The following HARS2 variants were observed in gnomAD, a reference collection of about 807,000 sequenced individuals.
HARS2 encodes histidyl-tRNA synthetase 2, mitochondrial.
In HARS2, 40 loss-of-function variants were observed where a neutral mutation model predicts 62.4. The observed-to-expected ratio is 0.64, with a 90% CI of 0.50 to 0.83. The LOEUF is 0.83. Ranked by LOEUF, HARS2 falls within the 40% of genes least tolerant of loss-of-function variation. The probability of loss-of-function intolerance (pLI) is 0.00; values close to 1 mark genes in which losing one functional copy is unlikely to be tolerated. For synonymous variants in HARS2, 228 were observed against 227.0 expected, an observed-to-expected ratio of 1.00 and a Z score of -0.04; for missense variants, 569 against 626.4, an observed-to-expected ratio of 0.91 and a Z score of 0.98.
intron 12 of HARS2, 127 bp downstream of exon 12, chr5:140,698,205 T>C: frequency 4.1e-6 from 4 of 969,258 alleles, no homozygotes; most frequent in Non-Finnish European, 6.4e-6. Flanking sequence ...GAACAAACAC[T>C]CACTCAAGAT....
rs1371480183 is a variant in HARS2 at position 140,697,234 on chromosome 5, T to C, written c.1025T>C (p.Leu342Pro). 6.2e-7 allele frequency: 1 copy of C among 1,614,194 alleles called. No homozygotes were observed. Among genetic ancestry groups the C allele is most frequent in the Non-Finnish European group, 8.5e-7 (1 of 1,180,030 alleles). ...GGAGTGATCTATGAAGCAGTGCTGC[T>C]GCAGACCCCAACTCAGGCTGGGGAG... ...YTGVIYEAVL[L>P]QTPTQAGEEP... Residue 342 changes from leucine (L) to proline (P), a missense_variant, in exon 10 of 13, where the codon CTG becomes CCG. Coordinates refer to ENST00000230771, the MANE Select transcript of HARS2 (RefSeq NM_012208.4).
chr5:140,696,416 A>G (rs996300507), intron 7 of HARS2, 105 bp from the exon 8 acceptor site: 35 of 911,988 alleles, frequency 3.8e-5, no homozygotes, highest in Non-Finnish European at 7.3e-6. Flanking sequence ...CTGAGTATAC[A>G]GTTAGCTACT....
intron 4 of HARS2, among the ~76,000 whole-genome samples, chr5:140,695,057 G>A (rs1363741064): frequency 1.3e-5 from 2 of 152,128 alleles, no homozygotes; most frequent in African/African-American, 4.8e-5. Context: ...CTGGGGTTAC[G>A]GGTGTGAGCC....
In HARS2 at chr5:140,691,575, C is replaced by A; in HGVS notation, c.-74C>A. ...GTTCCGCCTTTGCAGTGCCCTCCAC[C>A]CTTCCTGGTGTCTGACCCGCCTCCT... On this transcript the variant is annotated 5_prime_UTR_variant, in exon 1 of 13. Transcript: ENST00000230771. 1 of 1,011,868 alleles carries A rather than the reference C, an allele frequency of 9.9e-7. No homozygotes were observed. The highest frequency in any genetic ancestry group is 1.5e-6 in the Non-Finnish European group (1 of 659,652). 62.7% of individuals were successfully genotyped at this position (1,011,868 alleles called of 1,614,324 possible).
rs979385946 is a variant in HARS2 at position 140,697,242 on chromosome 5, C to G, written c.1033C>G (p.Pro345Ala). Residue 345 changes from proline (P) to alanine (A), a missense_variant, in exon 10 of 13, where the codon CCA (proline) becomes GCA (alanine). By Grantham distance (27) the Pro-to-Ala change is conservative. Coordinates refer to ENST00000230771, the MANE Select transcript of HARS2 (RefSeq NM_012208.4). ...CTATGAAGCAGTGCTGCTGCAGACC[C>G]CAACTCAGGCTGGGGAGGAGCCCCT... ...VIYEAVLLQT[P>A]TQAGEEPLNV... The G allele has an allele frequency of 1.6e-5, 26 of 1,614,072 alleles. No homozygotes were observed. The highest frequency in any genetic ancestry group is 1.6e-4 in the Middle Eastern group (1 of 6,084).
chr5:140,696,023 T>G, intron 6 of HARS2, 80 bp from the exon 7 acceptor site: 1 of 1,089,274 alleles, frequency 9.2e-7, no homozygotes, highest in East Asian at 2.3e-5. Context: ...CCTTTTTGTG[T>G]GTCAGGAAAG....
intron 9 of HARS2, 38 bp downstream of exon 9, chr5:140,697,108 A>G: frequency 1.9e-6 from 3 of 1,614,164 alleles, no homozygotes; most frequent in South Asian, 1.1e-5. Context: ...GCTGAGCTCT[A>G]GGGCTCTCAG....
At position 140,698,083 on chromosome 5, in the gene HARS2, G is replaced by A. The variant is rs755062412; in HGVS notation, c.1461+5G>A. 1.2e-6 allele frequency: 2 copies of A among 1,613,990 alleles called. No individual in the cohort carries two copies. The highest frequency in any genetic ancestry group is 2.2e-5 in the South Asian group (2 of 91,074). The stretch of plus-strand genomic sequence containing the variant: ...TCAGTGGCCAGCAGAGAGGAGGTGA[G>A]TGGCGGCAGCAGAAATAGAAGGGAC... On this transcript the variant is annotated splice_donor_5th_base_variant and intron_variant, in intron 12 of 12. Transcript: ENST00000230771.
Position 140,695,504 on chromosome 5 carries a change from T to C in HARS2, c.400-4T>C, listed in dbSNP as rs1235527762. 1.2e-6 allele frequency: 2 copies of C among 1,613,244 alleles called. No homozygotes were observed. Among genetic ancestry groups the C allele is most frequent in the East Asian group, 2.2e-5 (1 of 44,890 alleles). On this transcript the variant is annotated splice_region_variant and splice_polypyrimidine_tract_variant and intron_variant, in intron 4 of 12. Transcript: ENST00000230771. Reference sequence around the variant, plus strand: ...ATCCCTCTTCCTTAACCCATTTATGTGAGGTTCCCTTTGCTCGTTATCTGG... The same window carrying C: ...ATCCCTCTTCCTTAACCCATTTATGCGAGGTTCCCTTTGCTCGTTATCTGG...
At position 140,694,382 on chromosome 5, in the gene HARS2, T is replaced by C. The variant is rs1759668542; in HGVS notation, c.399+102T>C. On this transcript the variant is annotated intron_variant, in intron 4 of 12. Coordinates refer to ENST00000230771, the MANE Select transcript of HARS2 (RefSeq NM_012208.4). ...TGACTTTGGGATCTTAGAGGTCCAT[T>C]GCCTATACTTCTAGTTTCTCCCAGA... The C allele has an allele frequency of 8.6e-6, 7 of 817,202 alleles. No homozygotes were observed. The Admixed American group carries it at 1.3e-4, about 15-fold the overall frequency. 50.6% of individuals were successfully genotyped at this position (817,202 alleles called of 1,614,324 possible). A position where few individuals can be genotyped will look rare whatever the true frequency, so the allele number is the denominator to read the frequency against.
In HARS2 at chr5:140,697,974, C is replaced by T. The variant is rs1374186280; in HGVS notation, c.1357C>T (p.Leu453=). Residue 453 remains leucine, a synonymous_variant, in exon 12 of 13, where the codon CTG becomes TTG. Transcript: ENST00000230771. ...GAACAACCCCAAACTATTAACCCAG[C>T]TGCACTATTGTGAGAGCACAGGCAT... ...YKNNPKLLTQ[L]HYCESTGIPL... The T allele has an allele frequency of 6.2e-7, 1 of 1,613,650 alleles. No homozygotes were observed. Among genetic ancestry groups the T allele is most frequent in the South Asian group, 1.1e-5 (1 of 91,082 alleles).
rs762652717 is a variant in HARS2, at chr5:140,694,046, G to T, written c.295G>T (p.Glu99Ter). ...GAKGMDTPAFELKETLTEKYG... is the reference protein window; with the variant it reads ...GAKGMDTPAF ...AAAGGGGATGGACACCCCAGCATTT[G>T]AGCTGAAGGTAAGGGGAGAAGAAAG... Residue 99 changes from glutamate to a stop codon, truncating the protein, a stop_gained, in exon 3 of 13, where the codon GAG (glutamate) becomes TAG (stop). Transcript: ENST00000230771. LOFTEE classifies it high-confidence loss of function. 9.3e-6 allele frequency: 15 copies of T among 1,614,180 alleles called. No individual in the cohort carries two copies. The highest frequency in any genetic ancestry group is 1.3e-5 in the Non-Finnish European group (15 of 1,180,014).
chr5:140,698,450 A>G, intron 12 of HARS2, 43 bp from the exon 13 acceptor site: 1 of 1,376,584 alleles, frequency 7.3e-7, no homozygotes, highest in African/African-American at 1.4e-5. Flanking sequence ...AGGAGTTAGT[A>G]TCACTTTCTA....
intron 6 of HARS2, 103 bp downstream of exon 6, chr5:140,695,948 T>C (rs1282863840): frequency 3.0e-6 from 3 of 1,007,882 alleles, no homozygotes; most frequent in Non-Finnish European, 4.8e-6. Flanking sequence ...CCTGCAACTG[T>C]AGGACTTTCC....
chr5:140,692,785 C>T (rs975023101), intron 1 of HARS2, among the ~76,000 whole-genome samples: 1 of 151,426 alleles, frequency 6.6e-6, no homozygotes, highest in East Asian at 1.9e-4. Context: ...CCCAGCTACT[C>T]GGGAGGCAGA....
chr5:140,697,921 A>G lies in HARS2; in HGVS notation c.1315-11A>G, dbSNP rs1178861940. The G allele has an allele frequency of 1.9e-6, 3 of 1,613,258 alleles. No individual in the cohort carries two copies. Among genetic ancestry groups the G allele is most frequent in the African/African-American group, 2.7e-5 (2 of 74,966 alleles). ...CTTCTAAGTCCCTTACTCTGTCTTGATCCTTTTCAGGCAGAGATGCTATAC... is the reference window on the plus strand; with the variant it reads ...CTTCTAAGTCCCTTACTCTGTCTTGGTCCTTTTCAGGCAGAGATGCTATAC... On this transcript the variant is annotated splice_polypyrimidine_tract_variant and intron_variant, in intron 11 of 12. Transcript: ENST00000230771.
At chr5:140,694,967 G>A (rs1469483893) in intron 4 of HARS2, among the ~76,000 whole-genome samples, 2 of 151,288 alleles carry the variant, frequency 1.3e-5, no homozygotes, top group African/African-American at 2.4e-5. Flanking sequence ...TTTTTTTTGT[G>A]GAGATGGGTG....
Position 140,694,220 on chromosome 5 carries a change from G to A in HARS2, c.339G>A (p.Gly113=). 1.2e-6 allele frequency: 2 copies of A among 1,613,902 alleles called. No homozygotes were observed. Among genetic ancestry groups the A allele is most frequent in the Non-Finnish European group, 1.7e-6 (2 of 1,179,756 alleles). Reference sequence around the variant, plus strand: ...CTGAGAAGTATGGAGAGGACTCTGGGCTCATGTATGATCTGAAGGATCAAG... The same window carrying A: ...CTGAGAAGTATGGAGAGGACTCTGGACTCATGTATGATCTGAAGGATCAAG... ...TLTEKYGEDS[G]LMYDLKDQGG... Residue 113 remains glycine (G), a synonymous_variant, in exon 4 of 13, where the codon GGG becomes GGA. Transcript: ENST00000230771.
At chr5:140,697,895 A>C (rs768983450) in intron 11 of HARS2, 37 bp from the exon 12 acceptor site, 31 of 1,606,324 alleles carry the variant, frequency 1.9e-5, no homozygotes. Flanking sequence ...TGCTGTGTTC[A>C]CTTCTAAGTC....
Sources: gnomAD v4.1 joint callset for allele counts (sites outside exome capture counted in the v4.1 genomes callset) on GRCh38, gnomAD v4.1.1 for gene constraint, MANE v1.5 for transcripts, NCBI Gene and HGNC (gene_info 2026-07-23, HGNC 2026-07-21) for gene names.